ADAMTSL1: variants seen among roughly 807,000 people sequenced by gnomAD.
The protein encoded by ADAMTSL1 is ADAMTS like 1.
In ADAMTSL1, 126 loss-of-function variants were observed where a neutral mutation model predicts 201.8. The observed-to-expected ratio is 0.62, with a 90% CI of 0.54 to 0.72. ADAMTSL1 has a LOEUF of 0.72. Ranked by LOEUF, ADAMTSL1 falls within the 30% of genes least tolerant of loss-of-function variation. ADAMTSL1 has a pLI of 0.00. For missense variants in ADAMTSL1, 2,679 were observed against 2,277.8 expected (o/e 1.18, Z -3.59); for synonymous variants, 1,121 against 903.4 (o/e 1.24, Z -4.32).
At chr9:18,726,602 T>A (rs1817909122) in intron 15 of ADAMTSL1, among the ~76,000 whole-genome samples, 2 of 151,940 alleles carry the variant, frequency 1.3e-5, no homozygotes, top group Admixed American at 1.3e-4. Flanking sequence ...AGTACTACCT[T>A]TAAAAAAAAA....
intron 2 of ADAMTSL1, among the ~76,000 whole-genome samples, chr9:18,457,234 G>A (rs1820638762): frequency 6.6e-6 from 1 of 152,074 alleles, no homozygotes; most frequent in Non-Finnish European, 1.5e-5. Flanking sequence ...TTGATAAATG[G>A]TTTACAAAAG....
intron 2 of ADAMTSL1, among the ~76,000 whole-genome samples, chr9:18,433,658 T>C (rs76199150): frequency 1.2e-3 from 178 of 152,212 alleles, no homozygotes; most frequent in African/African-American, 4.1e-3. Context: ...ATCACCAGTT[T>C]TATATTAATC....
Position 18,074,516 on chromosome 9 carries a change from T to C in ADAMTSL1, c.88-89346T>C, listed in dbSNP as rs199996357. 4.8e-3 allele frequency among the ~76,000 whole-genome samples: 540 copies of C among 113,306 alleles called. 3 individuals carry two copies. The highest frequency in any genetic ancestry group is 8.5e-3 in the Middle Eastern group (2 of 234). 74.3% of individuals were successfully genotyped at this position (113,306 alleles called of 152,430 possible). A position where few individuals can be genotyped will look rare whatever the true frequency, so the allele number is the denominator to read the frequency against. On this transcript the variant is annotated intron_variant, in intron 1 of 29. Coordinates refer to the ADAMTSL1 transcript ENST00000680146. The stretch of plus-strand genomic sequence containing the variant: ...CTTTTCTTTTCTTTTCTTTTCTTCT[T>C]TTCTTTTCTTTTCTTTTCTTCTCTC...
intron 23 of ADAMTSL1, among the ~76,000 whole-genome samples, chr9:18,864,972 T>A (rs989903431): frequency 1.3e-4 from 20 of 151,448 alleles, no homozygotes; most frequent in African/African-American, 3.6e-4. Flanking sequence ...TGTTTAAGAT[T>A]AAAAAAAAAT....
chr9:18,669,141 C>A (rs1829651657), intron 9 of ADAMTSL1, among the ~76,000 whole-genome samples: 1 of 152,232 alleles, frequency 6.6e-6, no homozygotes, highest in Non-Finnish European at 1.5e-5. Context: ...GAACCATTAA[C>A]CATAACAATG....
At chr9:17,975,701 T>G (rs1465352931) in intron 1 of ADAMTSL1, among the ~76,000 whole-genome samples, 1 of 152,116 alleles carries the variant, frequency 6.6e-6, no homozygotes, top group African/African-American at 2.4e-5. Flanking sequence ...TTGATTCCTA[T>G]GCTGCACAGA....
rs559394231 is a variant in ADAMTSL1 at position 18,777,335 on chromosome 9, G to A, written c.3106G>A (p.Gly1036Arg). 1.0e-4 allele frequency: 167 copies of A among 1,601,218 alleles called. 3 individuals carry two copies. In the South Asian group the frequency reaches 1.6e-3, roughly 16 times the overall value. ...GCTGCTGGAGCAGGGCGGCTGGCCC[G>A]GAGAGCTGCTGGCCTCGTGGGAGGC... ...SRLLEQGGWP[G>R]ELLASWEAQD... The change falls in exon 19 of 29, where the codon GGA (glycine) becomes AGA (arginine). Residue 1036 changes from glycine to arginine, a missense_variant. Coordinates refer to ENST00000380548, the MANE Select transcript of ADAMTSL1 (RefSeq NM_001040272.6).
intron 1 of ADAMTSL1, among the ~76,000 whole-genome samples, chr9:18,069,255 T>C (rs1403295741): frequency 6.6e-6 from 1 of 152,236 alleles, no homozygotes; most frequent in Admixed American, 6.5e-5. Flanking sequence ...AAATGATAAT[T>C]TCAATATATC....
intron 2 of ADAMTSL1, among the ~76,000 whole-genome samples, chr9:18,342,652 C>A (rs762264902): frequency 1.3e-5 from 2 of 152,098 alleles, no homozygotes; most frequent in African/African-American, 4.8e-5. Flanking sequence ...GAGGAGGTGG[C>A]CATCATGGCT....
At chr9:18,094,944 G>A (rs973052876) in intron 1 of ADAMTSL1, among the ~76,000 whole-genome samples, 41 of 152,134 alleles carry the variant, frequency 2.7e-4, no homozygotes, top group African/African-American at 9.9e-4. Flanking sequence ...CATAATCAGA[G>A]TTCCCTCTTA....
At chr9:18,377,477 G>A (rs1049830449) in intron 2 of ADAMTSL1, among the ~76,000 whole-genome samples, 3 of 152,138 alleles carry the variant, frequency 2.0e-5, no homozygotes, top group Admixed American at 6.5e-5. Flanking sequence ...CAATGCAGAC[G>A]TTGGCATTTC....
At chr9:18,678,790 C>G (rs917271785) in intron 10 of ADAMTSL1, among the ~76,000 whole-genome samples, 2 of 152,156 alleles carry the variant, frequency 1.3e-5, no homozygotes, top group Non-Finnish European at 2.9e-5. Context: ...TAATCTGAAT[C>G]AGGCCTGATA....
At chr9:18,230,198 C>G (rs1830597680) in intron 2 of ADAMTSL1, among the ~76,000 whole-genome samples, 1 of 152,258 alleles carries the variant, frequency 6.6e-6, no homozygotes, top group South Asian at 2.1e-4. Context: ...TAGATGCTAT[C>G]CATACCCCTC....
intron 1 of ADAMTSL1, among the ~76,000 whole-genome samples, chr9:17,946,075 TG>T (rs1827462075): frequency 7.6e-4 from 4 of 5,268 alleles, no homozygotes; most frequent in African/African-American, 5.4e-3. Context: ...TGTGTGTGTG[TG>T]TGTGTGTGTG....
At chr9:18,774,956 C>T (rs531243168) in intron 17 of ADAMTSL1, among the ~76,000 whole-genome samples, 5 of 152,160 alleles carry the variant, frequency 3.3e-5, no homozygotes, top group Non-Finnish European at 5.9e-5. Context: ...TAAGAAACTA[C>T]CAATCTGTTT....
intron 2 of ADAMTSL1, among the ~76,000 whole-genome samples, chr9:18,341,458 G>A (rs1029418376): frequency 2.0e-5 from 3 of 151,822 alleles, no homozygotes; most frequent in Non-Finnish European, 1.5e-5. Flanking sequence ...TTTCATTTTG[G>A]AGAGCATTTT....
intron 2 of ADAMTSL1, among the ~76,000 whole-genome samples, chr9:18,521,832 A>G (rs79026720): frequency 0.015 from 2,284 of 152,324 alleles, 42 homozygotes; most frequent in African/African-American, 0.048. Flanking sequence ...AGAGTAAAGC[A>G]AAGCTAAGAA....
In ADAMTSL1 at chr9:18,074,596, GTTA is replaced by G. The variant is rs1184500402; in HGVS notation, c.88-89263_88-89261del. Reference sequence around the variant, plus strand: ...TCTTCTTTCTTTTTTTGTTGTTGTTGTTATTGTTGTTGAGACGGAGTTTCACTC... The same window carrying G: ...TCTTCTTTCTTTTTTTGTTGTTGTTGTTGTTGTTGAGACGGAGTTTCACTC... On this transcript the variant is annotated intron_variant, in intron 1 of 29. Coordinates refer to the ADAMTSL1 transcript ENST00000680146. 1.1e-4 allele frequency among the ~76,000 whole-genome samples: 7 copies of G among 62,934 alleles called. No individual in the cohort carries two copies. The East Asian group carries it at 1.9e-3, about 17-fold the overall frequency. 41.3% of individuals were successfully genotyped at this position (62,934 alleles called of 152,430 possible).
chr9:18,357,099 C>CT (rs977931546), intron 2 of ADAMTSL1, among the ~76,000 whole-genome samples: 3 of 152,234 alleles, frequency 2.0e-5, no homozygotes, highest in Middle Eastern at 3.4e-3. Context: ...ACTGGGACAT[C>CT]TTTTTTTCAA....
Sources: gnomAD v4.1 joint callset for allele counts (sites outside exome capture counted in the v4.1 genomes callset) on GRCh38, gnomAD v4.1.1 for gene constraint, MANE v1.5 for transcripts, NCBI Gene and HGNC (gene_info 2026-07-23, HGNC 2026-07-21) for gene names.